Variants in EML5 observed in about 807,000 individuals in gnomAD.
The protein encoded by EML5 is EMAP like 5.
In EML5, 120 loss-of-function variants were observed where a neutral mutation model predicts 250.0. The observed-to-expected ratio is 0.48, with a 90% confidence interval of 0.41 to 0.56. The LOEUF (loss-of-function observed/expected upper bound fraction) is 0.56. EML5 is among the 20% of genes least tolerant of loss of function. The pLI, the probability that EML5 is intolerant of heterozygous loss-of-function variation, is 0.00. For synonymous variants in EML5, 771 were observed against 806.5 expected (o/e 0.96, Z 0.75); for missense variants, 2,006 against 2,437.6 (o/e 0.82, Z 3.73).
intron 7 of EML5, among the ~76,000 whole-genome samples, chr14:88,735,189 A>G (rs1316170224): frequency 6.6e-6 from 1 of 152,162 alleles, no homozygotes; most frequent in Non-Finnish European, 1.5e-5. Context: ...TGAAATCACA[A>G]ATCGCTCAAT....
intron 21 of EML5, among the ~76,000 whole-genome samples, chr14:88,667,335 T>C (rs1055120844): frequency 1.3e-5 from 2 of 152,204 alleles, no homozygotes; most frequent in African/African-American, 4.8e-5. Flanking sequence ...ACTTTACAAT[T>C]TTGTGTTAAA....
intron 7 of EML5, among the ~76,000 whole-genome samples, chr14:88,727,689 C>T (rs1411686804): frequency 6.6e-6 from 1 of 152,142 alleles, no homozygotes; most frequent in Non-Finnish European, 1.5e-5. Context: ...TGAGCCACCG[C>T]ACCCAGCCAA....
chr14:88,656,360 C>T (rs2091869849), intron 27 of EML5, among the ~76,000 whole-genome samples: 2 of 152,158 alleles, frequency 1.3e-5, no homozygotes, highest in South Asian at 4.2e-4. Flanking sequence ...AGCAAACTAA[C>T]ACAGGAACAG....
At chr14:88,701,569 G>T (rs1171203372) in intron 14 of EML5, among the ~76,000 whole-genome samples, 1 of 152,048 alleles carries the variant, frequency 6.6e-6, no homozygotes, top group Non-Finnish European at 1.5e-5. Context: ...AGTAAGGAGA[G>T]GCACAAAGAA....
chr14:88,745,677 T>G (rs1472775314), intron 3 of EML5, among the ~76,000 whole-genome samples: 1 of 152,206 alleles, frequency 6.6e-6, no homozygotes, highest in East Asian at 1.9e-4. Flanking sequence ...ATTTGAATAA[T>G]GGGTGTCTGC....
intron 8 of EML5, among the ~76,000 whole-genome samples, chr14:88,720,100 T>A (rs1411074983): frequency 2.0e-5 from 3 of 152,032 alleles, no homozygotes; most frequent in South Asian, 4.2e-4. Flanking sequence ...AGAAGCTGAA[T>A]CCCTAAATAG....
rs1461045343 is a variant in EML5 at position 88,622,496 on chromosome 14, G to A, written c.5013+108C>T. ...AGTAATGTTGGCAAGCAAATCCATCGTTATGCATTATTAAGTATTGTTCAT... is the reference window on the plus strand; with the variant it reads ...AGTAATGTTGGCAAGCAAATCCATCATTATGCATTATTAAGTATTGTTCAT... On this transcript the variant is annotated intron_variant, in intron 37 of 43. Transcript: ENST00000554922. 20 of 839,808 alleles carry A rather than the reference G, an allele frequency of 2.4e-5. No homozygotes were observed. In the South Asian group the frequency reaches 3.0e-4, roughly 13 times the overall value. The allele number at this position is 839,808 out of a possible 1,614,324, so 52.0% of individuals were successfully genotyped here. A position where few individuals can be genotyped will look rare whatever the true frequency, so the allele number is the denominator to read the frequency against.
At chr14:88,661,893 A>C in intron 24 of EML5, 63 bp from the exon 25 acceptor site, 40 of 1,383,590 alleles carry the variant, frequency 2.9e-5, no homozygotes, top group Non-Finnish European at 3.5e-5. Flanking sequence ...AACAACCAAA[A>C]TGTAAACATT....
At chr14:88,724,136 G>A (rs961709070) in intron 8 of EML5, among the ~76,000 whole-genome samples, 9 of 151,546 alleles carry the variant, frequency 5.9e-5, no homozygotes, top group South Asian at 2.1e-4. Context: ...ATAGCTTGGC[G>A]TGGTGGCACG....
Position 88,687,280 on chromosome 14 carries a change from G to C in EML5, c.2790C>G (p.Asp930Glu). 1.4e-5 allele frequency: 22 copies of C among 1,612,324 alleles called. No homozygotes were observed. The highest frequency in any genetic ancestry group is 1.9e-5 in the Non-Finnish European group (22 of 1,179,340). Residue 930 changes from aspartate (D) to glutamate (E), a missense_variant, in exon 19 of 44, where the codon GAC (aspartate) becomes GAG (glutamate). Physicochemically the swap from Asp to Glu is conservative, Grantham distance 45. Around this residue, in one of 7 missense-constraint regions of EML5, gnomAD observed 1,375 missense variants for 1,590.3 expected, o/e 0.86. Transcript: ENST00000554922. The stretch of plus-strand genomic sequence containing the variant: ...AGGTCTTGAGACATCTTTCAAAAGA[G>C]TCATCCCAAAGAGCTACTATACCAT... Reference protein sequence around the residue: ...GKDGIVALWDDSFERCLKTYA... With the variant: ...GKDGIVALWDESFERCLKTYA...
At chr14:88,690,734 A>G (rs2092937498) in intron 17 of EML5, among the ~76,000 whole-genome samples, 1 of 152,204 alleles carries the variant, frequency 6.6e-6, no homozygotes, top group South Asian at 2.1e-4. Context: ...GCTGAAGGGA[A>G]AGTCAGTAGA....
intron 1 of EML5, among the ~76,000 whole-genome samples, chr14:88,759,450 G>A (rs1231729626): frequency 6.6e-6 from 1 of 152,008 alleles, no homozygotes; most frequent in Non-Finnish European, 1.5e-5. Flanking sequence ...TTGGGAGGCT[G>A]AGGCAGGAGG....
chr14:88,767,588 T>A (rs2094337250), intron 1 of EML5, among the ~76,000 whole-genome samples: 1 of 152,230 alleles, frequency 6.6e-6, no homozygotes, highest in South Asian at 2.1e-4. Flanking sequence ...AATATATTCT[T>A]GGTACAATTC....
chr14:88,621,055 C>A, intron 38 of EML5, 58 bp downstream of exon 38: 1 of 1,533,392 alleles, frequency 6.5e-7, no homozygotes, highest in South Asian at 1.3e-5. Context: ...CAATTTAGAA[C>A]TTCCAACTTT....
chr14:88,622,384 G>T, intron 37 of EML5: 1 of 386,356 alleles, frequency 2.6e-6, no homozygotes, highest in Non-Finnish European at 4.6e-6. Flanking sequence ...AAATATTGGA[G>T]GTTTACATAC....
intron 21 of EML5, among the ~76,000 whole-genome samples, chr14:88,674,057 T>C (rs1011096970): frequency 6.6e-6 from 1 of 152,170 alleles, no homozygotes; most frequent in South Asian, 2.1e-4. Flanking sequence ...TCACTTAATA[T>C]CAGGAGTTCA....
chr14:88,789,292 G>A (rs975701198), intron 1 of EML5, among the ~76,000 whole-genome samples: 1 of 151,852 alleles, frequency 6.6e-6, no homozygotes, highest in Non-Finnish European at 1.5e-5. Context: ...TTGAGAAAAA[G>A]AACAAAAAAG....
At chr14:88,778,710 C>T (rs1040474644) in intron 1 of EML5, among the ~76,000 whole-genome samples, 7 of 152,150 alleles carry the variant, frequency 4.6e-5, no homozygotes, top group Admixed American at 3.3e-4. Context: ...ACCAGGGAAG[C>T]GGAGGTTGCA....
chr14:88,791,086 C>T (rs2094601756), intron 1 of EML5, among the ~76,000 whole-genome samples: 1 of 152,078 alleles, frequency 6.6e-6, no homozygotes, highest in African/African-American at 2.4e-5. Context: ...TCAATTTTGT[C>T]TTTTCTTATC....
Sources: gnomAD v4.1 joint callset for allele counts (sites outside exome capture counted in the v4.1 genomes callset) on GRCh38, gnomAD v4.1.1 for gene constraint, gnomAD v4.1.1 regional missense constraint, MANE v1.5 for transcripts, NCBI Gene and HGNC (gene_info 2026-07-23, HGNC 2026-07-21) for gene names.